Variants in NDE1 observed in about 807,000 individuals in gnomAD.
NDE1 encodes nudE neurodevelopment protein 1.
Under a neutral mutation model 43.4 loss-of-function variants are expected in NDE1, and 28 were observed. The ratio of observed to expected loss-of-function variants is 0.65; its 90% CI spans 0.48 to 0.89. The LOEUF (loss-of-function observed/expected upper bound fraction) is 0.89. Among genes scored for constraint, NDE1 ranks in the 40% least tolerant of loss-of-function variants. NDE1 has a pLI of 0.00. For synonymous variants in NDE1, 184 were observed against 172.0 expected, an observed-to-expected ratio of 1.07 and a Z score of -0.55; for missense variants, 441 against 434.1, an observed-to-expected ratio of 1.02 and a Z score of -0.14.
rs2040731590 is a variant in NDE1, at chr16:15,725,939, A to G, written c.*1688A>G. 1 of 361,804 alleles carries G rather than the reference A, an allele frequency of 2.8e-6. No individual in the cohort carries two copies. The highest frequency in any genetic ancestry group is 4.7e-5 in the Admixed American group (1 of 21,400). The allele number at this position is 361,804 out of a possible 1,614,324, so 22.4% of individuals were successfully genotyped here. A position where few individuals can be genotyped will look rare whatever the true frequency, so the allele number is the denominator to read the frequency against. On this transcript the variant is annotated 3_prime_UTR_variant, in exon 9 of 9. Transcript: ENST00000396354. ...CATCTGGGTACAAGCTCCCCCTCCA[A>G]CCCCACTCTGTACTATCTCCCCCTA... is the stretch of plus-strand genomic sequence containing the variant.
Position 15,725,583 on chromosome 16 carries a change from C to G in NDE1, c.*1332C>G, listed in dbSNP as rs1008646372. ...CTTTGAGGCTGTTAGCCTACCCCTC[C>G]ATCTCTTCCATTGACAAGGAGGATA... On this transcript the variant is annotated 3_prime_UTR_variant, in exon 9 of 9. Coordinates refer to ENST00000396354, the MANE Select transcript of NDE1 (RefSeq NM_017668.3). The G allele has an allele frequency of 7.1e-5, 29 of 406,844 alleles. No individual in the cohort carries two copies. Among genetic ancestry groups the G allele is most frequent in the African/African-American group, 5.5e-4 (27 of 48,676 alleles). The allele number at this position is 406,844 out of a possible 1,614,324, so 25.2% of individuals were successfully genotyped here.
rs1402732324 is a variant in NDE1 at position 15,718,350 on chromosome 16, C to T, written c.948-5841C>T. 14 of 1,609,006 alleles carry T rather than the reference C, an allele frequency of 8.7e-6. No individual in the cohort carries two copies. The South Asian group carries it at 1.5e-4, about 18-fold the overall frequency. On this transcript the variant is annotated intron_variant, in intron 8 of 8. Transcript: ENST00000396354. ...GCTTTGCGGACCCGGTCGCTCATGGCCTCCATGTTGCCCTGCTCCTCCTCC... is the reference window on the plus strand; with the variant it reads ...GCTTTGCGGACCCGGTCGCTCATGGTCTCCATGTTGCCCTGCTCCTCCTCC...
At chr16:15,691,544 C>G (rs917122893) in intron 6 of NDE1, among the ~76,000 whole-genome samples, 6 of 152,008 alleles carry the variant, frequency 3.9e-5, no homozygotes, top group African/African-American at 1.4e-4. Context: ...AATGGAAACC[C>G]CACCCAGAGC....
intron 3 of NDE1, among the ~76,000 whole-genome samples, chr16:15,667,647 T>TTTTG (rs2037383162): frequency 6.7e-6 from 1 of 149,730 alleles, no homozygotes; most frequent in Non-Finnish European, 1.5e-5. Context: ...TTTTTTTTTT[T>TTTTG]TGAGATGGAG....
In NDE1 at chr16:15,691,239, C is replaced by T; in HGVS notation, c.619C>T (p.Gln207Ter). 1 of 1,614,228 alleles carries T rather than the reference C, an allele frequency of 6.2e-7. No homozygotes were observed. Among genetic ancestry groups the T allele is most frequent in the Non-Finnish European group, 8.5e-7 (1 of 1,180,044 alleles). ...VEAERTDTAV[Q>*]ATGSVPSTPI... ...AGCTGAGAGGACAGACACAGCTGTG[C>T]AGGCCACGGGCTCCGTGCCGTCCAC... is the stretch of plus-strand genomic sequence containing the variant. Residue 207 changes from glutamine to a stop codon, truncating the protein, a stop_gained, in exon 6 of 9, where the codon CAG (glutamine) becomes TAG (stop). Coordinates refer to ENST00000396354, the MANE Select transcript of NDE1 (RefSeq NM_017668.3). LOFTEE classifies it high-confidence loss of function.
intron 8 of NDE1, among the ~76,000 whole-genome samples, chr16:15,712,623 C>T (rs539516421): frequency 4.6e-5 from 7 of 152,048 alleles, no homozygotes; most frequent in Non-Finnish European, 7.4e-5. Flanking sequence ...TACCCTGGGG[C>T]GGTCTAGTGG....
chr16:15,720,746 G>C, intron 8 of NDE1: 1 of 1,320,652 alleles, frequency 7.6e-7, no homozygotes, highest in Non-Finnish European at 1.0e-6. Flanking sequence ...AAAAAATAAA[G>C]AAAACGAAGT....
intron 8 of NDE1, chr16:15,715,183 G>A (rs1197566728): frequency 6.2e-7 from 1 of 1,613,842 alleles, no homozygotes; most frequent in African/African-American, 1.3e-5. Flanking sequence ...GTACTGCTCG[G>A]CCATCTTGCG....
chr16:15,665,071 TG>T (rs1019835712), intron 2 of NDE1, among the ~76,000 whole-genome samples: 2 of 151,654 alleles, frequency 1.3e-5, no homozygotes, highest in Non-Finnish European at 2.9e-5. Context: ...TTTTTTTTTT[TG>T]GCGGAAACAG....
At chr16:15,671,573 C>T (rs1172857987) in intron 3 of NDE1, among the ~76,000 whole-genome samples, 3 of 152,110 alleles carry the variant, frequency 2.0e-5, no homozygotes, top group East Asian at 1.9e-4. Context: ...TCCCCATATC[C>T]GTGACACGGA....
Position 15,711,708 on chromosome 16 carries a change from T to C in NDE1, c.948-12483T>C, listed in dbSNP as rs531057144. 1.8e-4 allele frequency among the ~76,000 whole-genome samples: 27 copies of C among 152,230 alleles called. No individual in the cohort carries two copies. In the South Asian group the frequency reaches 5.6e-3, roughly 32 times the overall value. On this transcript the variant is annotated intron_variant, in intron 8 of 8. Coordinates refer to ENST00000396354, the MANE Select transcript of NDE1 (RefSeq NM_017668.3). The stretch of plus-strand genomic sequence containing the variant: ...TGTCCTAGACACTGGAGATTTTTTT[T>C]TTGAGACCGAGTTTTGGTCTGTCAC...
Position 15,724,526 on chromosome 16 carries a change from A to G in NDE1, c.*275A>G, listed in dbSNP as rs1327724526. The stretch of plus-strand genomic sequence containing the variant: ...CTCCTCGTTGGAGAAACCCAATAGC[A>G]GGGGAAGCTGGGGGGTCAAGCACCA... On this transcript the variant is annotated 3_prime_UTR_variant, in exon 9 of 9. Coordinates refer to ENST00000396354, the MANE Select transcript of NDE1 (RefSeq NM_017668.3). The G allele has an allele frequency of 1.2e-6, 2 of 1,606,774 alleles. No individual in the cohort carries two copies. Among genetic ancestry groups the G allele is most frequent in the African/African-American group, 2.7e-5 (2 of 74,882 alleles).
At chr16:15,659,748 C>CTT (rs36112475) in intron 1 of NDE1, among the ~76,000 whole-genome samples, 17 of 98,968 alleles carry the variant, frequency 1.7e-4, no homozygotes, top group East Asian at 1.5e-3. Flanking sequence ...TGGACACAAT[C>CTT]TTTTTTTTTT....
chr16:15,699,552 G>A, intron 8 of NDE1: 1 of 1,185,860 alleles, frequency 8.4e-7, no homozygotes, highest in Non-Finnish European at 1.1e-6. Context: ...TGTGACCTTG[G>A]AATCTGAGAG....
At chr16:15,643,587 C>G in exon 1 of NDE1, 1 of 305,368 alleles carries the variant, frequency 3.3e-6, no homozygotes, top group South Asian at 2.6e-5. Context: ...TTTTTCCTCT[C>G]TCGGGTCTCG....
Position 15,650,309 on chromosome 16 carries a change from G to T in NDE1, c.-44+15G>T. 3.5e-6 allele frequency: 1 copy of T among 285,892 alleles called. No individual in the cohort carries two copies. Among genetic ancestry groups the T allele is most frequent in the Admixed American group, 4.4e-5 (1 of 22,688 alleles). 17.7% of individuals were successfully genotyped at this position (285,892 alleles called of 1,614,324 possible). On this transcript the variant is annotated intron_variant, in intron 1 of 8. Transcript: ENST00000396354. ...CCCCTGCTCGGGTAAGTGAGGCGCT[G>T]CGCGGGGCTGGGGTCGGGGTGGCTG...
chr16:15,691,764 C>T (rs1245792205), intron 6 of NDE1, among the ~76,000 whole-genome samples: 6 of 151,620 alleles, frequency 4.0e-5, no homozygotes, highest in African/African-American at 1.5e-4. Context: ...CCTCATCCTC[C>T]GGAGTAGCTG....
chr16:15,665,448 TC>T (rs1274931091), intron 2 of NDE1, among the ~76,000 whole-genome samples: 1 of 151,940 alleles, frequency 6.6e-6, no homozygotes, highest in Non-Finnish European at 1.5e-5. Flanking sequence ...ATTTTCTTTT[TC>T]TTCTTTTTTT....
At chr16:15,689,928 A>G (rs1184105709) in intron 5 of NDE1, among the ~76,000 whole-genome samples, 1 of 136,114 alleles carries the variant, frequency 7.3e-6, no homozygotes, top group African/African-American at 2.9e-5. Context: ...AAGAGAGTGA[A>G]ACTCCATCTC....
Sources: gnomAD v4.1 joint callset for allele counts (sites outside exome capture counted in the v4.1 genomes callset) on GRCh38, gnomAD v4.1.1 for gene constraint, MANE v1.5 for transcripts, NCBI Gene and HGNC (gene_info 2026-07-23, HGNC 2026-07-21) for gene names.